Variants in APBB2 observed in about 807,000 individuals in gnomAD.
APBB2 encodes amyloid beta precursor protein binding family B member 2.
In APBB2, 38 loss-of-function variants were observed where a neutral mutation model predicts 82.5. The observed-to-expected ratio is 0.46, with a 90% CI of 0.36 to 0.60. The LOEUF is 0.60. APBB2 is among the 20% of genes least tolerant of loss of function. The pLI is 0.00. For missense variants in APBB2, 772 were observed against 972.3 expected (o/e 0.79, Z 2.74); for synonymous variants, 341 against 368.2 (o/e 0.93, Z 0.85).
chr4:40,916,318 G>A (rs1251777327), intron 10 of APBB2, among the ~76,000 whole-genome samples: 1 of 152,158 alleles, frequency 6.6e-6, no homozygotes, highest in Non-Finnish European at 1.5e-5. Context: ...CCTGAAGACA[G>A]ACAGACAGAC....
At chr4:40,951,595 G>A (rs1232297921) in intron 6 of APBB2, among the ~76,000 whole-genome samples, 1 of 152,254 alleles carries the variant, frequency 6.6e-6, no homozygotes, top group Non-Finnish European at 1.5e-5. Flanking sequence ...CCCTATGTGA[G>A]TGTCCTTGGA....
intron 6 of APBB2, among the ~76,000 whole-genome samples, chr4:40,949,573 G>A (rs557031233): frequency 6.6e-6 from 1 of 152,132 alleles, no homozygotes; most frequent in South Asian, 2.1e-4. Context: ...GGTTATCACG[G>A]TATCACAGTG....
intron 3 of APBB2, among the ~76,000 whole-genome samples, chr4:41,087,764 T>A (rs1271046982): frequency 6.6e-6 from 1 of 152,148 alleles, no homozygotes; most frequent in East Asian, 1.9e-4. Flanking sequence ...GTATCATCAC[T>A]AATATTCAGG....
chr4:41,168,201 G>A (rs992243686), intron 1 of APBB2, among the ~76,000 whole-genome samples: 80 of 129,224 alleles, frequency 6.2e-4, no homozygotes, highest in Non-Finnish European at 1.1e-3. Context: ...CCCGGGAGGC[G>A]GAGCCTGCAG....
chr4:41,014,819 C>T (rs1279420902), intron 5 of APBB2, among the ~76,000 whole-genome samples: 1 of 152,206 alleles, frequency 6.6e-6, no homozygotes, highest in Non-Finnish European at 1.5e-5. Flanking sequence ...CAAGATTCCT[C>T]TGGGGCTTCA....
At chr4:41,035,773 CT>C (rs1377130539) in intron 4 of APBB2, among the ~76,000 whole-genome samples, 4 of 152,066 alleles carry the variant, frequency 2.6e-5, no homozygotes, top group African/African-American at 4.8e-5. Context: ...TATGTACAGA[CT>C]TTTTTTTCCT....
intron 3 of APBB2, among the ~76,000 whole-genome samples, chr4:41,073,034 C>T (rs1223570458): frequency 2.6e-5 from 4 of 152,198 alleles, no homozygotes; most frequent in African/African-American, 9.6e-5. Flanking sequence ...ATGTGAATTA[C>T]ACCTTAATTA....
chr4:41,112,402 A>C (rs1253521715), intron 2 of APBB2, among the ~76,000 whole-genome samples: 1 of 152,192 alleles, frequency 6.6e-6, no homozygotes, highest in Non-Finnish European at 1.5e-5. Flanking sequence ...GCCAAAAAGA[A>C]GGCACCCAAC....
chr4:40,848,618 G>C (rs1758358752), intron 12 of APBB2, among the ~76,000 whole-genome samples: 1 of 152,188 alleles, frequency 6.6e-6, no homozygotes, highest in Non-Finnish European at 1.5e-5. Flanking sequence ...TGGTAATTAA[G>C]TGCTGTGTTT....
At chr4:41,067,801 TAGTGA>T (rs756013270) in intron 3 of APBB2, among the ~76,000 whole-genome samples, 4 of 152,196 alleles carry the variant, frequency 2.6e-5, no homozygotes, top group Non-Finnish European at 5.9e-5. Flanking sequence ...AGAGCTGTTT[TAGTGA>T]AGTGGTGGAG....
intron 10 of APBB2, among the ~76,000 whole-genome samples, chr4:40,899,335 C>T (rs1182229068): frequency 1.3e-5 from 2 of 152,182 alleles, no homozygotes; most frequent in African/African-American, 2.4e-5. Flanking sequence ...CCCCTTCTCT[C>T]CCATTTGTTC....
At chr4:40,839,352 G>T (rs1379064192) in intron 12 of APBB2, among the ~76,000 whole-genome samples, 1 of 152,040 alleles carries the variant, frequency 6.6e-6, no homozygotes, top group Non-Finnish European at 1.5e-5. Context: ...GACCTTGTCA[G>T]CTGCACCAGA....
chr4:40,903,480 G>A (rs924545427), intron 10 of APBB2, among the ~76,000 whole-genome samples: 10 of 152,148 alleles, frequency 6.6e-5, no homozygotes, highest in Middle Eastern at 3.4e-3. Flanking sequence ...AAAATAAATA[G>A]ATAAAAAATG....
intron 12 of APBB2, among the ~76,000 whole-genome samples, chr4:40,840,478 C>G (rs1028728552): frequency 9.9e-5 from 15 of 152,180 alleles, no homozygotes; most frequent in Non-Finnish European, 1.6e-4. Flanking sequence ...GCAAAACACA[C>G]ACATGTAAGA....
chr4:41,125,767 G>A (rs1326739849), intron 2 of APBB2, among the ~76,000 whole-genome samples: 1 of 152,174 alleles, frequency 6.6e-6, no homozygotes, highest in Non-Finnish European at 1.5e-5. Flanking sequence ...CACATTTACT[G>A]TGAAAACCAG....
At chr4:40,925,193 T>C (rs1024408611) in intron 10 of APBB2, among the ~76,000 whole-genome samples, 5 of 152,204 alleles carry the variant, frequency 3.3e-5, no homozygotes, top group Admixed American at 6.5e-5. Flanking sequence ...CTCCATTACT[T>C]GAAGGCAGGG....
intron 10 of APBB2, among the ~76,000 whole-genome samples, chr4:40,902,224 G>C (rs1238085052): frequency 1.3e-5 from 2 of 152,098 alleles, no homozygotes; most frequent in Non-Finnish European, 2.9e-5. Flanking sequence ...CTTTAAAAGA[G>C]TTCCAAGGAG....
intron 10 of APBB2, among the ~76,000 whole-genome samples, chr4:40,896,829 G>A (rs1462344217): frequency 6.6e-6 from 1 of 152,124 alleles, no homozygotes; most frequent in Non-Finnish European, 1.5e-5. Flanking sequence ...TCGGCTTCTG[G>A]CATGGAAACT....
intron 11 of APBB2, chr4:40,892,637 C>A (rs1772377397): frequency 6.6e-6 from 1 of 152,192 alleles, no homozygotes; most frequent in Admixed American, 6.5e-5. Context: ...GGTCTCAGAG[C>A]ACACCAGGAA....
Sources: gnomAD v4.1 joint callset for allele counts (sites outside exome capture counted in the v4.1 genomes callset) on GRCh38, gnomAD v4.1.1 for gene constraint, MANE v1.5 for transcripts, NCBI Gene and HGNC (gene_info 2026-07-23, HGNC 2026-07-21) for gene names.